PPP4R3A: variants seen among roughly 807,000 people sequenced by gnomAD.
PPP4R3A encodes protein phosphatase 4 regulatory subunit 3A, also known as serine/threonine-protein phosphatase 4 regulatory subunit 3A.
Under a neutral mutation model 91.7 loss-of-function variants are expected in PPP4R3A, and 15 were observed. The observed-to-expected ratio is 0.16, with a 90% CI of 0.11 to 0.25. PPP4R3A has a LOEUF of 0.25. Among genes scored for constraint, PPP4R3A ranks in the 10% least tolerant of loss-of-function variants. PPP4R3A has a pLI of 1.00. For missense variants in PPP4R3A, 623 were observed against 998.4 expected, an observed-to-expected ratio of 0.62 and a Z score of 5.07; for synonymous variants, 377 against 348.7, an observed-to-expected ratio of 1.08 and a Z score of -0.91.
chr14:91,509,016 GC>G (rs1891586112), intron 1 of PPP4R3A, among the ~76,000 whole-genome samples: 1 of 152,096 alleles, frequency 6.6e-6, no homozygotes, highest in Non-Finnish European at 1.5e-5. Flanking sequence ...GAAACATGTA[GC>G]AAAAAGATGT....
intron 3 of PPP4R3A, among the ~76,000 whole-genome samples, chr14:91,484,111 A>G (rs1385527345): frequency 6.6e-6 from 1 of 152,234 alleles, no homozygotes; most frequent in Non-Finnish European, 1.5e-5. Context: ...GACATATGCT[A>G]TAAATATAAT....
intron 9 of PPP4R3A, among the ~76,000 whole-genome samples, chr14:91,471,792 G>A (rs1888851054): frequency 6.6e-6 from 1 of 152,072 alleles, no homozygotes; most frequent in Non-Finnish European, 1.5e-5. Context: ...GGCTGGGCGT[G>A]GTGGCTCACA....
intron 2 of PPP4R3A, among the ~76,000 whole-genome samples, chr14:91,486,692 G>A (rs1456507266): frequency 6.6e-6 from 1 of 152,010 alleles, no homozygotes; most frequent in African/African-American, 2.4e-5. Context: ...GGCTGAGGTG[G>A]GCGGAGGTCA....
At chr14:91,482,473 A>T (rs902009138) in intron 3 of PPP4R3A, among the ~76,000 whole-genome samples, 8 of 152,182 alleles carry the variant, frequency 5.3e-5, no homozygotes, top group African/African-American at 1.9e-4. Flanking sequence ...TGAGACTGTT[A>T]CGAAACAGCC....
intron 2 of PPP4R3A, among the ~76,000 whole-genome samples, chr14:91,488,304 C>A (rs1189108287): frequency 6.6e-6 from 1 of 152,072 alleles, no homozygotes; most frequent in Non-Finnish European, 1.5e-5. Flanking sequence ...TCTCACTGGA[C>A]TAAAGTGCTG....
intron 1 of PPP4R3A, among the ~76,000 whole-genome samples, chr14:91,501,805 C>G (rs1043341015): frequency 6.6e-6 from 1 of 150,910 alleles, no homozygotes; most frequent in South Asian, 2.1e-4. Flanking sequence ...CCCAGGTTCA[C>G]GCCATTCTCC....
intron 14 of PPP4R3A, among the ~76,000 whole-genome samples, chr14:91,459,712 G>A (rs1888001756): frequency 6.6e-6 from 1 of 151,730 alleles, no homozygotes; most frequent in Non-Finnish European, 1.5e-5. Flanking sequence ...GTGCACATCT[G>A]TAATCCCAGC....
chr14:91,461,439 G>A lies in PPP4R3A; in HGVS notation c.2333C>T (p.Pro778Leu), dbSNP rs1378090946. The A allele has an allele frequency of 1.9e-6, 3 of 1,614,008 alleles. No individual in the cohort carries two copies. Among genetic ancestry groups the A allele is most frequent in the Admixed American group, 1.7e-5 (1 of 59,998 alleles). ...TTTAGGTACGGATCCAGGAGAGCCTGGAGATCCTGGGGATCCAGGTGATCC... is the reference window on the plus strand; with the variant it reads ...TTTAGGTACGGATCCAGGAGAGCCTAGAGATCCTGGGGATCCAGGTGATCC... The part of the protein sequence containing the change: ...SPGSPGSPGS[P>L]GSPGSVPKNT... Residue 778 changes from proline (P) to leucine (L), a missense_variant, in exon 14 of 15, where the codon CCA becomes CTA. Pro to Leu is a moderately conservative substitution (Grantham distance 98). Around this residue, in one of 5 missense-constraint regions of PPP4R3A, gnomAD observed 201 missense variants for 229.9 expected, o/e 0.87. Transcript: ENST00000554943.
intron 9 of PPP4R3A, among the ~76,000 whole-genome samples, chr14:91,471,719 C>T (rs1888844572): frequency 6.6e-6 from 1 of 152,070 alleles, no homozygotes; most frequent in Non-Finnish European, 1.5e-5. Flanking sequence ...TGGAGTTACA[C>T]AAAAAGTAAA....
intron 14 of PPP4R3A, among the ~76,000 whole-genome samples, chr14:91,459,327 A>G (rs1240539015): frequency 2.6e-5 from 4 of 151,902 alleles, no homozygotes; most frequent in African/African-American, 9.7e-5. Flanking sequence ...CCTGGTCTTG[A>G]ACTCCTGACC....
At position 91,484,620 on chromosome 14, in the gene PPP4R3A, A is replaced by T. The variant is rs1371933810; in HGVS notation, c.297+1012T>A. Among the ~76,000 whole-genome samples the T allele has an allele frequency of 2.6e-5, 4 of 152,334 alleles. No homozygotes were observed. The East Asian group carries it at 7.7e-4, about 29-fold the overall frequency. On this transcript the variant is annotated intron_variant, in intron 3 of 14. Transcript: ENST00000554943. ...AACAGAATTCCTAAGAAAGGATTTTAAAAAACAATTATTGGACCCTACTTG... is the reference window on the plus strand; with the variant it reads ...AACAGAATTCCTAAGAAAGGATTTTTAAAAACAATTATTGGACCCTACTTG...
intron 10 of PPP4R3A, among the ~76,000 whole-genome samples, chr14:91,469,239 T>C (rs990968147): frequency 1.4e-4 from 21 of 152,168 alleles, no homozygotes; most frequent in African/African-American, 4.3e-4. Context: ...GTAAGACTCA[T>C]CTTAATTTCA....
intron 1 of PPP4R3A, among the ~76,000 whole-genome samples, chr14:91,508,592 G>A (rs1891557328): frequency 6.6e-6 from 1 of 152,048 alleles, no homozygotes; most frequent in South Asian, 2.1e-4. Context: ...ACTGTATATC[G>A]CCAAAAACAG....
At chr14:91,486,657 C>T (rs7161134) in intron 2 of PPP4R3A, among the ~76,000 whole-genome samples, 56,634 of 151,822 alleles carry the variant, frequency 0.37, 10,774 homozygotes, top group East Asian at 0.47. Context: ...TGGTGGCTCA[C>T]GCCTGTAATC....
chr14:91,497,270 C>T (rs577707314), intron 1 of PPP4R3A, among the ~76,000 whole-genome samples: 37 of 152,132 alleles, frequency 2.4e-4, no homozygotes, highest in Admixed American at 7.9e-4. Context: ...TTCACCCCAA[C>T]TCATTTGAGA....
chr14:91,481,289 A>C (rs1180810188), intron 4 of PPP4R3A, among the ~76,000 whole-genome samples: 1 of 152,048 alleles, frequency 6.6e-6, no homozygotes, highest in African/African-American at 2.4e-5. Context: ...AGTCGCTGAG[A>C]CTGCATTATT....
chr14:91,479,293 C>CGTGTGTGTGT (rs3029507), intron 4 of PPP4R3A, among the ~76,000 whole-genome samples: 2,145 of 144,172 alleles, frequency 0.015, 14 homozygotes, highest in African/African-American at 0.019. Context: ...TAAAAAACAA[C>CGTGTGTGTGT]GTGTGTGTGT....
In PPP4R3A at chr14:91,473,079, G is replaced by A; in HGVS notation, c.1455C>T (p.Leu485=). 1 of 1,614,090 alleles carries A rather than the reference G, an allele frequency of 6.2e-7. No individual in the cohort carries two copies. The highest frequency in any genetic ancestry group is 8.5e-7 in the Non-Finnish European group (1 of 1,180,002). ...GFFYKHCMHV[L]TAPLLANTTE... is the part of the protein sequence containing the mutation. Reference sequence around the variant, plus strand: ...TTGTATTTGCTAGTAAAGGAGCAGTGAGAACATGCATACAGTGCTTGTAGA... The same window carrying A: ...TTGTATTTGCTAGTAAAGGAGCAGTAAGAACATGCATACAGTGCTTGTAGA... Residue 485 remains leucine (L), a synonymous_variant, in exon 9 of 15, where the codon CTC becomes CTT. Transcript: ENST00000554943.
At chr14:91,473,734 T>C (rs906101790) in intron 7 of PPP4R3A, among the ~76,000 whole-genome samples, 1 of 152,202 alleles carries the variant, frequency 6.6e-6, no homozygotes, top group Non-Finnish European at 1.5e-5. Flanking sequence ...AATATTTAGG[T>C]AGGATTTAGA....
Sources: gnomAD v4.1 joint callset for allele counts (sites outside exome capture counted in the v4.1 genomes callset) on GRCh38, gnomAD v4.1.1 for gene constraint, gnomAD v4.1.1 regional missense constraint, MANE v1.5 for transcripts, NCBI Gene and HGNC (gene_info 2026-07-23, HGNC 2026-07-21) for gene names.